Variants in TGFB2 observed in about 807,000 individuals in gnomAD.
TGFB2 encodes the protein transforming growth factor beta 2, also known as transforming growth factor beta-2 proprotein.
A neutral mutation model predicts 42.7 loss-of-function variants in TGFB2; 13 were observed. The observed-to-expected ratio is 0.30, with a 90% confidence interval of 0.20 to 0.48. TGFB2 has a LOEUF of 0.48. TGFB2 is among the 20% of genes least tolerant of loss of function. The pLI, the probability that TGFB2 is intolerant of heterozygous loss-of-function variation, is 0.99. For synonymous variants in TGFB2, 193 were observed against 193.6 expected (o/e 1.00, Z 0.03); for missense variants, 390 against 517.5 (o/e 0.75, Z 2.39).
At chr1:218,348,379 T>C (rs563995561) in intron 1 of TGFB2, among the ~76,000 whole-genome samples, 68 of 152,342 alleles carry the variant, frequency 4.5e-4, no homozygotes, top group African/African-American at 1.6e-3. Flanking sequence ...GCTTTTCTTT[T>C]TTAATATTTA....
intron 2 of TGFB2, 75 bp downstream of exon 2, chr1:218,405,407 C>T (rs759963512): frequency 1.2e-6 from 2 of 1,600,024 alleles, no homozygotes; most frequent in East Asian, 2.2e-5. Context: ...CTCTCTGTCA[C>T]AGGCTAGAGT....
rs201821533 is a variant in TGFB2 at position 218,409,446 on chromosome 1, A to C, written c.510+4114A>C. Among the ~76,000 whole-genome samples, 3 of 152,208 alleles carry C rather than the reference A, an allele frequency of 2.0e-5. No individual in the cohort carries two copies. The East Asian group carries it at 5.8e-4, about 29-fold the overall frequency. On this transcript the variant is annotated intron_variant, in intron 2 of 6. Coordinates refer to ENST00000366930, the MANE Select transcript of TGFB2 (RefSeq NM_003238.6). ...CCTCTTTATTTGGAGTCCTATTTTT[A>C]GTATGGTGTTCTCCAACTTTCCTTT...
At chr1:218,353,262 C>T (rs1186632833) in intron 1 of TGFB2, among the ~76,000 whole-genome samples, 1 of 152,172 alleles carries the variant, frequency 6.6e-6, no homozygotes, top group African/African-American at 2.4e-5. Flanking sequence ...GATCTCTTTC[C>T]TTTGCTCACT....
chr1:218,415,422 C>G (rs542210552), intron 2 of TGFB2, among the ~76,000 whole-genome samples: 1 of 151,850 alleles, frequency 6.6e-6, no homozygotes, highest in Non-Finnish European at 1.5e-5. Context: ...AGGCCGGGCG[C>G]GGTGGCTCAT....
At chr1:218,392,348 G>A (rs541100949) in intron 1 of TGFB2, among the ~76,000 whole-genome samples, 7 of 152,148 alleles carry the variant, frequency 4.6e-5, no homozygotes, top group East Asian at 3.9e-4. Flanking sequence ...GCAAGACTCC[G>A]TCTCAAAACA....
chr1:218,376,630 A>T (rs1294552776), intron 1 of TGFB2, among the ~76,000 whole-genome samples: 1 of 152,140 alleles, frequency 6.6e-6, no homozygotes. Flanking sequence ...TCAGTTTCTT[A>T]TCCCCCACCT....
intron 1 of TGFB2, among the ~76,000 whole-genome samples, chr1:218,392,641 A>G (rs1219514757): frequency 6.6e-6 from 1 of 152,234 alleles, no homozygotes; most frequent in Non-Finnish European, 1.5e-5. Flanking sequence ...GAAGAGTTTG[A>G]TGCTTATAAG....
At chr1:218,407,483 G>A (rs1658952080) in intron 2 of TGFB2, among the ~76,000 whole-genome samples, 1 of 152,086 alleles carries the variant, frequency 6.6e-6, no homozygotes, top group Non-Finnish European at 1.5e-5. Flanking sequence ...AATCCTAACT[G>A]GCATTCTGGG....
At chr1:218,433,991 G>T (rs1659888139) in intron 2 of TGFB2, 91 bp from the exon 3 acceptor site, 6 of 1,525,104 alleles carry the variant, frequency 3.9e-6, no homozygotes, top group Non-Finnish European at 5.4e-6. Context: ...CTAAATTTAG[G>T]TAATGAATTA....
intron 2 of TGFB2, among the ~76,000 whole-genome samples, chr1:218,406,192 TACACAC>T (rs35504165): frequency 2.7e-5 from 4 of 148,984 alleles, no homozygotes; most frequent in Non-Finnish European, 6.0e-5. Context: ...ACCCACTCAA[TACACAC>T]ACACACACAC....
At chr1:218,431,481 C>CAT (rs1203762141) in intron 2 of TGFB2, among the ~76,000 whole-genome samples, 1 of 152,126 alleles carries the variant, frequency 6.6e-6, no homozygotes, top group South Asian at 2.1e-4. Context: ...TGAAACTGGA[C>CAT]ATATATATAC....
Position 218,346,770 on chromosome 1 carries a change from C to G in TGFB2, c.69C>G (p.Thr23=). The change falls in exon 1 of 7, where the codon ACC becomes ACG. Residue 23 remains threonine, a synonymous_variant. Transcript: ENST00000366930. This position sits in a 1 kb window ranked among gnomAD's most constrained non-coding sequence, Gnocchi z 4.9. ...HLVTVALSLS[T]CSTLDMDQFM... is the part of the protein sequence containing the mutation. ...TCACGGTCGCGCTCAGCCTGTCTAC[C>G]TGCAGCACACTCGATATGGACCAGT... The G allele has an allele frequency of 1.2e-6, 2 of 1,614,172 alleles. No homozygotes were observed. The highest frequency in any genetic ancestry group is 1.7e-6 in the Non-Finnish European group (2 of 1,180,040).
At chr1:218,353,378 T>A (rs1283532472) in intron 1 of TGFB2, among the ~76,000 whole-genome samples, 1 of 152,158 alleles carries the variant, frequency 6.6e-6, no homozygotes, top group African/African-American at 2.4e-5. Context: ...ACTATCCAGT[T>A]CTCCTATGAG....
intron 2 of TGFB2, among the ~76,000 whole-genome samples, chr1:218,407,612 A>G (rs934198671): frequency 1.3e-5 from 2 of 152,192 alleles, no homozygotes; most frequent in Non-Finnish European, 2.9e-5. Context: ...TCACAGCTAT[A>G]CTATGAAGTT....
chr1:218,394,446 C>T (rs753974316), intron 1 of TGFB2, among the ~76,000 whole-genome samples: 4 of 152,098 alleles, frequency 2.6e-5, no homozygotes, highest in Non-Finnish European at 4.4e-5. Context: ...AACTAAACAC[C>T]ATGGGCCGGC....
At chr1:218,402,955 C>G (rs1658777800) in intron 1 of TGFB2, among the ~76,000 whole-genome samples, 1 of 152,162 alleles carries the variant, frequency 6.6e-6, no homozygotes, top group Non-Finnish European at 1.5e-5. Context: ...CTGAGCTGGT[C>G]GGCATAGGAC....
rs555490077 is a variant in TGFB2, at chr1:218,387,749, T to C, written c.347-17420T>C. On this transcript the variant is annotated intron_variant, in intron 1 of 6. Coordinates refer to ENST00000366930, the MANE Select transcript of TGFB2 (RefSeq NM_003238.6). ...TTACTGTACAAGGCCTGTTCCCACC[T>C]GACCTTTTTGTTTCTTCTGCCCAAG... Among the ~76,000 whole-genome samples the C allele has an allele frequency of 1.2e-3, 188 of 152,350 alleles. 1 individual carries two copies. The highest frequency in any genetic ancestry group is 4.4e-3 in the African/African-American group (181 of 41,588).
At chr1:218,380,423 A>G (rs1347524022) in intron 1 of TGFB2, among the ~76,000 whole-genome samples, 2 of 152,210 alleles carry the variant, frequency 1.3e-5, no homozygotes, top group East Asian at 3.8e-4. Context: ...GGCAACAGTA[A>G]TCAGCATGCA....
chr1:218,436,448 G>T (rs534664086), intron 5 of TGFB2, among the ~76,000 whole-genome samples: 77 of 152,260 alleles, frequency 5.1e-4, no homozygotes, highest in African/African-American at 1.7e-3. Flanking sequence ...ACAAATAAAA[G>T]CTTATTTGAG....
Sources: gnomAD v4.1 joint callset for allele counts (sites outside exome capture counted in the v4.1 genomes callset) on GRCh38, gnomAD v4.1.1 for gene constraint, Gnocchi (gnomAD v3.1) non-coding constraint, MANE v1.5 for transcripts, NCBI Gene and HGNC (gene_info 2026-07-23, HGNC 2026-07-21) for gene names.